The following CCDC92B variants were observed in gnomAD, a reference collection of about 807,000 sequenced individuals.
The protein encoded by CCDC92B is coiled-coil domain-containing 92B.
CCDC92B carries 2 observed loss-of-function variants against 5.6 expected under a neutral mutation model. The observed-to-expected ratio is 0.36, with a 90% CI of 0.15 to 1.12. CCDC92B has a LOEUF of 1.12. CCDC92B is among the 50% of genes most tolerant of loss of function. The pLI is 0.40. For missense variants in CCDC92B, 271 were observed against 262.2 expected, an observed-to-expected ratio of 1.03 and a Z score of -0.23; for synonymous variants, 115 against 122.3, an observed-to-expected ratio of 0.94 and a Z score of 0.39.
intron 1 of CCDC92B, chr17:2,747,946 GA>G: frequency 2.9e-6 from 1 of 341,000 alleles, no homozygotes; most frequent in Non-Finnish European, 5.8e-6. Context: ...ACCCCACGTT[GA>G]AGATTCTATT....
At chr17:2,736,858 G>T (rs1410191399) in intron 1 of CCDC92B, among the ~76,000 whole-genome samples, 1 of 150,900 alleles carries the variant, frequency 6.6e-6, no homozygotes, top group Non-Finnish European at 1.5e-5. Flanking sequence ...TGCAGCCTGG[G>T]CAACAGAGTG....
chr17:2,730,496 G>T lies in CCDC92B; in HGVS notation c.131-3C>A, dbSNP rs1226214993. The T allele has an allele frequency of 5.1e-6, 5 of 982,070 alleles. No homozygotes were observed. The highest frequency in any genetic ancestry group is 1.8e-5 in the African/African-American group (1 of 55,578). 60.8% of individuals were successfully genotyped at this position (982,070 alleles called of 1,614,324 possible). ...CATTTCCAGGTCATGGGTCAGTTCT[G>T]GGGGGAAAGAAAAGAAAAGGCAGTT... On this transcript the variant is annotated splice_region_variant and splice_polypyrimidine_tract_variant and intron_variant, in intron 2 of 3. Coordinates refer to ENST00000614400, the MANE Select transcript of CCDC92B (RefSeq NM_001355573.2).
chr17:2,727,743 G>GA (rs1333643647), intron 3 of CCDC92B, among the ~76,000 whole-genome samples: 1 of 151,662 alleles, frequency 6.6e-6, no homozygotes. Flanking sequence ...AGAATTGCTT[G>GA]ACCCTGGGAG....
chr17:2,724,587 C>T lies in CCDC92B; in HGVS notation c.592G>A (p.Ala198Thr). Residue 198 changes from alanine (A) to threonine (T), a missense_variant, in exon 4 of 4, where the codon GCC becomes ACC. Physicochemically the swap from Ala to Thr is moderately conservative, Grantham distance 58. Transcript: ENST00000614400. This position sits in a 1 kb window ranked among gnomAD's most constrained non-coding sequence, Gnocchi z 5.0. ...GGGTCGGCGTCGTCGAGGGCGCCGG[C>T]CCCGCGGTCCCAGGCGGCCCAGTCC... ...GRDWAAWDRG[A>T]GALDDADPMP... 1.0e-6 allele frequency: 1 copy of T among 981,966 alleles called. No homozygotes were observed. Among genetic ancestry groups the T allele is most frequent in the Non-Finnish European group, 1.2e-6 (1 of 828,472 alleles). The allele number at this position is 981,966 out of a possible 1,614,324, so 60.8% of individuals were successfully genotyped here.
At chr17:2,734,670 A>T (rs1465168779) in intron 2 of CCDC92B, among the ~76,000 whole-genome samples, 2 of 151,942 alleles carry the variant, frequency 1.3e-5, no homozygotes, top group African/African-American at 4.8e-5. Flanking sequence ...TTTGTATTTT[A>T]GTAGAGATGG....
At chr17:2,734,885 AG>A (rs1158714170) in intron 2 of CCDC92B, 130 bp downstream of exon 2, 1 of 659,974 alleles carries the variant, frequency 1.5e-6, no homozygotes, top group Non-Finnish European at 1.9e-6. Flanking sequence ...TTCCTTAATC[AG>A]AAAAAGAGGC....
intron 1 of CCDC92B, chr17:2,748,601 T>C: frequency 1.0e-6 from 1 of 985,180 alleles, no homozygotes; most frequent in Non-Finnish European, 1.2e-6. Flanking sequence ...GGCAAGGCTT[T>C]GTCTCTGGGA....
intron 1 of CCDC92B, among the ~76,000 whole-genome samples, chr17:2,745,551 C>T (rs543700878): frequency 5.3e-5 from 8 of 152,064 alleles, no homozygotes; most frequent in South Asian, 4.2e-4. Flanking sequence ...CTTTCTTAGA[C>T]GTTATTGTTT....
intron 1 of CCDC92B, among the ~76,000 whole-genome samples, chr17:2,737,964 C>T (rs577143646): frequency 5.5e-4 from 83 of 152,138 alleles, no homozygotes; most frequent in Non-Finnish European, 5.4e-4. Flanking sequence ...CCGCTTCACA[C>T]GCTCAGTAAG....
chr17:2,724,069 A>G lies in CCDC92B; in HGVS notation c.*342T>C. 2 of 684,542 alleles carry G rather than the reference A, an allele frequency of 2.9e-6. No individual in the cohort carries two copies. Among genetic ancestry groups the G allele is most frequent in the Non-Finnish European group, 3.6e-6 (2 of 557,366 alleles). The allele number at this position is 684,542 out of a possible 1,614,324, so 42.4% of individuals were successfully genotyped here. ...CCCAGCCCTCCCCACCCCACCAAGG[A>G]TTGTCGGCTTTCCCGGGGAAGGGCG... On this transcript the variant is annotated 3_prime_UTR_variant, in exon 4 of 4. Coordinates refer to ENST00000614400, the MANE Select transcript of CCDC92B (RefSeq NM_001355573.2). This position sits in a 1 kb window ranked among gnomAD's most constrained non-coding sequence, Gnocchi z 5.0.
intron 1 of CCDC92B, among the ~76,000 whole-genome samples, chr17:2,739,950 G>A (rs186163567): frequency 6.6e-6 from 1 of 152,128 alleles, no homozygotes; most frequent in East Asian, 1.9e-4. Context: ...TGGATCTCAC[G>A]GGGTGAAGAG....
rs565556434 is a variant in CCDC92B at position 2,724,273 on chromosome 17, G to A, written c.*138C>T. 12 of 985,394 alleles carry A rather than the reference G, an allele frequency of 1.2e-5. No homozygotes were observed. In the South Asian group the frequency reaches 1.4e-4, roughly 12 times the overall value. 61.0% of individuals were successfully genotyped at this position (985,394 alleles called of 1,614,324 possible). ...AAAGGCTGGCGGTTCGGGGATTTGG[G>A]GGGAGCCGGGGCCGCCTCGCCCCGC... On this transcript the variant is annotated 3_prime_UTR_variant, in exon 4 of 4. Coordinates refer to ENST00000614400, the MANE Select transcript of CCDC92B (RefSeq NM_001355573.2). This position sits in a 1 kb window ranked among gnomAD's most constrained non-coding sequence, Gnocchi z 5.0.
At position 2,724,822 on chromosome 17, in the gene CCDC92B, G is replaced by A. The variant is rs1311830489; in HGVS notation, c.357C>T (p.Arg119=). 1.1e-5 allele frequency: 11 copies of A among 984,904 alleles called. No individual in the cohort carries two copies. The highest frequency in any genetic ancestry group is 1.3e-5 in the Non-Finnish European group (11 of 829,768). The allele number at this position is 984,904 out of a possible 1,614,324, so 61.0% of individuals were successfully genotyped here. A position where few individuals can be genotyped will look rare whatever the true frequency, so the allele number is the denominator to read the frequency against. ...TGCCCAGCACGGTGGCGCGGTGGCT[G>A]CGGCGGCGCAGCTCCTCCAGGAAGC... ...ERRFLEELRR[R]SHRATVLGTE... Residue 119 remains arginine, a synonymous_variant, in exon 4 of 4, where the codon CGC becomes CGT. Coordinates refer to ENST00000614400, the MANE Select transcript of CCDC92B (RefSeq NM_001355573.2). The surrounding 1 kb of genome is among the most constrained non-coding windows in gnomAD (Gnocchi z 5.0).
intron 1 of CCDC92B, among the ~76,000 whole-genome samples, chr17:2,746,306 T>C (rs1050797467): frequency 6.6e-6 from 1 of 152,156 alleles, no homozygotes; most frequent in African/African-American, 2.4e-5. Flanking sequence ...TCTAGCTTGA[T>C]GAAAAAATAT....
intron 2 of CCDC92B, among the ~76,000 whole-genome samples, chr17:2,731,123 G>T (rs952919921): frequency 3.3e-5 from 5 of 152,206 alleles, no homozygotes; most frequent in African/African-American, 1.2e-4. Context: ...GAGCAGGACG[G>T]TGCGGTCTAT....
chr17:2,745,057 A>G lies in CCDC92B; in HGVS notation c.-24+4354T>C, dbSNP rs1470566460. On this transcript the variant is annotated intron_variant, in intron 1 of 3. Transcript: ENST00000614400. ...TCCAGCTTGGGTGACAGACAGTGAG[A>G]CCCTGTCTCAAAAAAAAAAAAAAAA... Among the ~76,000 whole-genome samples the G allele has an allele frequency of 1.7e-4, 19 of 110,176 alleles. No homozygotes were observed. The Admixed American group carries it at 2.1e-3, about 12-fold the overall frequency. The allele number at this position is 110,176 out of a possible 152,430, so 72.3% of individuals were successfully genotyped here. A position where few individuals can be genotyped will look rare whatever the true frequency, so the allele number is the denominator to read the frequency against.
At chr17:2,736,613 G>A (rs1412863727) in intron 1 of CCDC92B, among the ~76,000 whole-genome samples, 2 of 151,810 alleles carry the variant, frequency 1.3e-5, no homozygotes, top group East Asian at 1.9e-4. Context: ...GGACTCGGTG[G>A]TTCACGCCTG....
chr17:2,732,955 G>A, intron 2 of CCDC92B, among the ~76,000 whole-genome samples: 1 of 151,740 alleles, frequency 6.6e-6, no homozygotes, highest in East Asian at 1.9e-4. Flanking sequence ...GGAGCTTGCA[G>A]TGAGCCGAGA....
chr17:2,747,166 G>C (rs2070996740), intron 1 of CCDC92B, among the ~76,000 whole-genome samples: 1 of 152,170 alleles, frequency 6.6e-6, no homozygotes, highest in Non-Finnish European at 1.5e-5. Flanking sequence ...CCTGGGGTTT[G>C]CATTGTCTGC....
Sources: allele counts gnomAD v4.1 joint callset (sites outside exome capture counted in the v4.1 genomes callset), GRCh38; gene constraint gnomAD v4.1.1; non-coding constraint Gnocchi (gnomAD v3.1); transcripts MANE v1.5; gene names NCBI Gene and HGNC (gene_info 2026-07-23, HGNC 2026-07-21).